GSE1: variants seen among roughly 807,000 people sequenced by gnomAD.
The protein encoded by GSE1 is genetic suppressor element 1.
In GSE1, 32 loss-of-function variants were observed where a neutral mutation model predicts 112.6. The observed-to-expected ratio is 0.28, with a 90% CI of 0.21 to 0.38. The LOEUF is 0.38. GSE1 is among the 10% of genes least tolerant of loss of function. The probability of loss-of-function intolerance (pLI) is 1.00; values close to 1 mark genes in which losing one functional copy is unlikely to be tolerated. For missense variants in GSE1, 2,348 were observed against 1,699.2 expected (o/e 1.38, Z -6.71); for synonymous variants, 1,115 against 735.6 (o/e 1.52, Z -8.35).
intron 2 of GSE1, among the ~76,000 whole-genome samples, chr16:85,385,800 AG>A (rs2047675624): frequency 6.6e-6 from 1 of 152,178 alleles, no homozygotes; most frequent in Non-Finnish European, 1.5e-5. Flanking sequence ...AGAGCTGGAC[AG>A]GGGGAGGGGA....
chr16:85,347,512 C>G (rs1360113240), intron 1 of GSE1, among the ~76,000 whole-genome samples: 2 of 152,176 alleles, frequency 1.3e-5, no homozygotes, highest in African/African-American at 4.8e-5. Context: ...TGAGTGTGTC[C>G]TGAGGCTGTC....
chr16:85,266,220 C>T (rs1908228995), intron 1 of GSE1, among the ~76,000 whole-genome samples: 1 of 152,166 alleles, frequency 6.6e-6, no homozygotes, highest in Non-Finnish European at 1.5e-5. Context: ...GCCGTAGTGC[C>T]CCCTTCCAGC....
At chr16:85,281,839 A>G (rs2151424193) in intron 1 of GSE1, among the ~76,000 whole-genome samples, 1 of 152,202 alleles carries the variant, frequency 6.6e-6, no homozygotes, top group East Asian at 1.9e-4. Context: ...GAGCTCTGGA[A>G]GCAAAGCGGA....
intron 1 of GSE1, among the ~76,000 whole-genome samples, chr16:85,573,189 A>T (rs897473208): frequency 6.6e-6 from 1 of 152,084 alleles, no homozygotes; most frequent in African/African-American, 2.4e-5. Flanking sequence ...TTAAAGGATG[A>T]AGTCTTGCTA....
intron 2 of GSE1, among the ~76,000 whole-genome samples, chr16:85,422,043 C>T (rs1015172028): frequency 2.0e-5 from 3 of 152,150 alleles, no homozygotes; most frequent in Non-Finnish European, 2.9e-5. Flanking sequence ...TCCCGCCCCA[C>T]GGCCCATGTA....
At chr16:85,441,835 C>T (rs1182398801) in intron 2 of GSE1, among the ~76,000 whole-genome samples, 7 of 152,174 alleles carry the variant, frequency 4.6e-5, no homozygotes, top group Non-Finnish European at 2.9e-5. Context: ...GCTTTCTCCT[C>T]GCAGCAGCCA....
At chr16:85,296,014 C>T (rs891547123) in intron 1 of GSE1, among the ~76,000 whole-genome samples, 7 of 152,146 alleles carry the variant, frequency 4.6e-5, no homozygotes, top group South Asian at 2.1e-4. Context: ...TCCAGGAAGC[C>T]GGCACCACAG....
At chr16:85,524,448 C>T (rs559752252) in intron 2 of GSE1, among the ~76,000 whole-genome samples, 60 of 152,244 alleles carry the variant, frequency 3.9e-4, no homozygotes, top group Non-Finnish European at 7.5e-4. Flanking sequence ...AATGCCAGCA[C>T]GGCTGCCGTG....
rs138774122 is a variant in GSE1, at chr16:85,230,025, C to A, written c.2283+58218C>A. Reference sequence around the variant, plus strand: ...AAAGGGCTCTGGGAACGTTATCTGCCTCCTCAGGCTCTGTGGGGGGCAGGC... The same window carrying A: ...AAAGGGCTCTGGGAACGTTATCTGCATCCTCAGGCTCTGTGGGGGGCAGGC... On this transcript the variant is annotated intron_variant, in intron 1 of 2. Coordinates refer to the GSE1 transcript ENST00000637419. Among the ~76,000 whole-genome samples, 323 of 152,362 alleles carry A rather than the reference C, an allele frequency of 2.1e-3. 4 individuals carry two copies. The highest frequency in any genetic ancestry group is 7.5e-3 in the African/African-American group (314 of 41,590).
intron 1 of GSE1, among the ~76,000 whole-genome samples, chr16:85,249,463 G>A (rs1906216265): frequency 6.6e-6 from 1 of 152,238 alleles, no homozygotes; most frequent in Non-Finnish European, 1.5e-5. Context: ...GTTTCAGACT[G>A]GGACCCTGAG....
chr16:85,570,990 GA>G (rs2045958022), intron 1 of GSE1, among the ~76,000 whole-genome samples: 1 of 152,218 alleles, frequency 6.6e-6, no homozygotes, highest in African/African-American at 2.4e-5. Flanking sequence ...AGCAGATTCT[GA>G]AGCGTTGGTT....
intron 2 of GSE1, among the ~76,000 whole-genome samples, chr16:85,550,652 C>G (rs1016585756): frequency 3.9e-5 from 6 of 152,242 alleles, no homozygotes; most frequent in Non-Finnish European, 8.8e-5. Flanking sequence ...ACCCCGCCGC[C>G]TGCACTCCAG....
At chr16:85,232,862 C>G (rs1172695832) in intron 1 of GSE1, among the ~76,000 whole-genome samples, 1 of 151,890 alleles carries the variant, frequency 6.6e-6, no homozygotes, top group African/African-American at 2.4e-5. Context: ...TCTTTCTGAT[C>G]CAAATGAATG....
chr16:85,628,405 C>T (rs1178821317), intron 1 of GSE1, among the ~76,000 whole-genome samples: 1 of 152,158 alleles, frequency 6.6e-6, no homozygotes, highest in Non-Finnish European at 1.5e-5. Flanking sequence ...CCCATGGGGC[C>T]CGGGGAGCAG....
intron 2 of GSE1, among the ~76,000 whole-genome samples, chr16:85,529,668 T>C (rs1353002941): frequency 2.6e-5 from 4 of 152,192 alleles, no homozygotes; most frequent in African/African-American, 9.6e-5. Flanking sequence ...AAGCCCTGGC[T>C]TTAGGTGTCC....
At chr16:85,341,418 G>C (rs986618783) in intron 1 of GSE1, among the ~76,000 whole-genome samples, 2 of 152,202 alleles carry the variant, frequency 1.3e-5, no homozygotes, top group Non-Finnish European at 2.9e-5. Context: ...AGTACTTTGG[G>C]AGGCCAAGTC....
chr16:85,613,197 G>A (rs2048109941), upstream of GSE1: 23 of 1,431,594 alleles, frequency 1.6e-5, no homozygotes, highest in Middle Eastern at 2.3e-4. Context: ...GGGAGTGGGC[G>A]GCGTTGCGTT....
At chr16:85,371,338 G>A (rs2047296259) in intron 2 of GSE1, among the ~76,000 whole-genome samples, 1 of 152,222 alleles carries the variant, frequency 6.6e-6, no homozygotes, top group East Asian at 1.9e-4. Context: ...TGGGTCTTGG[G>A]ACAGTGCCCA....
intron 2 of GSE1, among the ~76,000 whole-genome samples, chr16:85,639,385 T>G (rs2050258172): frequency 6.6e-6 from 1 of 152,120 alleles, no homozygotes; most frequent in South Asian, 2.1e-4. Flanking sequence ...ACCACCCCCA[T>G]AGGCATCTGA....
Sources: gnomAD v4.1 joint callset for allele counts (sites outside exome capture counted in the v4.1 genomes callset) on GRCh38, gnomAD v4.1.1 for gene constraint, MANE v1.5 for transcripts, NCBI Gene and HGNC (gene_info 2026-07-23, HGNC 2026-07-21) for gene names.